ADGRG7: variants seen among roughly 807,000 people sequenced by gnomAD.
ADGRG7 encodes the protein adhesion G protein-coupled receptor G7.
Under a neutral mutation model 88.6 loss-of-function variants are expected in ADGRG7, and 82 were observed. The observed-to-expected ratio is 0.93, with a 90% CI of 0.77 to 1.11. The LOEUF (loss-of-function observed/expected upper bound fraction) is 1.11, where lower values mean the gene tolerates loss of function less well. ADGRG7 is among the 50% of genes most tolerant of loss of function. The pLI is 0.00. For missense variants in ADGRG7, 945 were observed against 953.4 expected (o/e 0.99, Z 0.12); for synonymous variants, 381 against 345.2 (o/e 1.10, Z -1.15).
chr3:100,655,466 C>T (rs1234391549), intron 12 of ADGRG7, among the ~76,000 whole-genome samples: 1 of 151,720 alleles, frequency 6.6e-6, no homozygotes, highest in Non-Finnish European at 1.5e-5. Flanking sequence ...GAGATTTAGC[C>T]ACAAATAATT....
intron 6 of ADGRG7, among the ~76,000 whole-genome samples, chr3:100,642,962 T>C (rs1145348): frequency 0.24 from 36,194 of 152,192 alleles, 5,433 homozygotes; most frequent in Non-Finnish European, 0.34. Context: ...CATCCTTCTA[T>C]GTGAAGAGCA....
intron 1 of ADGRG7, among the ~76,000 whole-genome samples, chr3:100,622,423 A>G (rs1248023151): frequency 6.6e-6 from 1 of 151,986 alleles, no homozygotes; most frequent in African/African-American, 2.4e-5. Flanking sequence ...ATTCTATTCT[A>G]TTAATCTATT....
chr3:100,671,918 T>A (rs2094959136), intron 15 of ADGRG7, among the ~76,000 whole-genome samples: 1 of 152,158 alleles, frequency 6.6e-6, no homozygotes, highest in Non-Finnish European at 1.5e-5. Flanking sequence ...GGTCTATATA[T>A]CTGTTTTGGT....
intron 15 of ADGRG7, among the ~76,000 whole-genome samples, chr3:100,671,454 C>T (rs1226792309): frequency 6.6e-6 from 1 of 151,974 alleles, no homozygotes; most frequent in East Asian, 1.9e-4. Flanking sequence ...GGATATTAGC[C>T]CTTTGTCAGA....
chr3:100,622,538 T>C (rs751171161), intron 1 of ADGRG7, among the ~76,000 whole-genome samples: 2 of 152,178 alleles, frequency 1.3e-5, no homozygotes, highest in Non-Finnish European at 2.9e-5. Flanking sequence ...TGCCCATCCA[T>C]ATATCTTCTT....
At chr3:100,674,114 C>T (rs2094961982) in intron 15 of ADGRG7, among the ~76,000 whole-genome samples, 1 of 152,052 alleles carries the variant, frequency 6.6e-6, no homozygotes. Flanking sequence ...CAAAGGACAT[C>T]TTTATTTCTG....
intron 14 of ADGRG7, among the ~76,000 whole-genome samples, chr3:100,665,888 A>G (rs549878990): frequency 1.2e-4 from 19 of 152,304 alleles, no homozygotes; most frequent in African/African-American, 4.6e-4. Context: ...CTGTGATTTA[A>G]TTGTTTAATA....
intron 15 of ADGRG7, among the ~76,000 whole-genome samples, chr3:100,692,866 G>A (rs1348737525): frequency 6.6e-6 from 1 of 152,108 alleles, no homozygotes; most frequent in African/African-American, 2.4e-5. Flanking sequence ...ACAGGCATAG[G>A]AGCTGAGACT....
intron 2 of ADGRG7, among the ~76,000 whole-genome samples, chr3:100,629,971 G>A (rs899106101): frequency 7.9e-5 from 12 of 152,068 alleles, no homozygotes; most frequent in Non-Finnish European, 1.5e-4. Context: ...TTTCCTGGCT[G>A]CAATGACTAA....
rs56088926 is a variant in ADGRG7 at position 100,639,010 on chromosome 3, C to CTG, written c.698+1654_698+1655dup. The stretch of plus-strand genomic sequence containing the variant: ...ATTCCAGGTTTTTTTCCCTCTGTTT[C>CTG]TGTGTGTGTGTGTGTGTGTGTGTGT... On this transcript the variant is annotated intron_variant, in intron 6 of 15. Transcript: ENST00000273352. Among the ~76,000 whole-genome samples the CTG allele has an allele frequency of 9.1e-4, 134 of 147,136 alleles. 2 individuals are homozygous for CTG. Among genetic ancestry groups the CTG allele is most frequent in the Middle Eastern group, 3.5e-3 (1 of 288 alleles).
At chr3:100,635,131 C>CCT (rs1480790002) in intron 4 of ADGRG7, among the ~76,000 whole-genome samples, 5 of 152,048 alleles carry the variant, frequency 3.3e-5, no homozygotes, top group Admixed American at 3.3e-4. Context: ...CTAACTGGCA[C>CCT]CTAGAGAGGT....
At position 100,613,536 on chromosome 3, in the gene ADGRG7, A is replaced by AT. The variant is rs539706637; in HGVS notation, c.115+3567dup. On this transcript the variant is annotated intron_variant, in intron 1 of 15. Transcript: ENST00000273352. Reference sequence around the variant, plus strand: ...GCTTCCTCACATAACCACCCCCTAAATTAAAAAAAAAAAAAGTCTATTAAA... The same window carrying AT: ...GCTTCCTCACATAACCACCCCCTAAATTTAAAAAAAAAAAAAGTCTATTAAA... 4.9e-3 allele frequency among the ~76,000 whole-genome samples: 518 copies of AT among 105,054 alleles called. 2 individuals are homozygous for AT. Among genetic ancestry groups the AT allele is most frequent in the African/African-American group, 0.014 (501 of 36,694 alleles). 68.9% of individuals were successfully genotyped at this position (105,054 alleles called of 152,430 possible).
intron 13 of ADGRG7, among the ~76,000 whole-genome samples, chr3:100,656,641 G>A (rs1320099078): frequency 6.6e-6 from 1 of 152,076 alleles, no homozygotes; most frequent in Non-Finnish European, 1.5e-5. Flanking sequence ...CTACCAAATG[G>A]CAACTACTCT....
chr3:100,610,566 G>T (rs190691239), intron 1 of ADGRG7, among the ~76,000 whole-genome samples: 126 of 152,248 alleles, frequency 8.3e-4, no homozygotes, highest in African/African-American at 2.9e-3. Flanking sequence ...TTAGTCCCCC[G>T]CTGTGTGCCA....
intron 3 of ADGRG7, among the ~76,000 whole-genome samples, chr3:100,631,475 C>T (rs1449101923): frequency 4.6e-5 from 7 of 152,088 alleles, no homozygotes; most frequent in Admixed American, 1.3e-4. Flanking sequence ...TCCTGATAAC[C>T]AGAGCCTATT....
Position 100,695,048 on chromosome 3 carries a change from T to C in ADGRG7, c.*47T>C. 3.2e-6 allele frequency: 5 copies of C among 1,569,584 alleles called. No individual in the cohort carries two copies. The highest frequency in any genetic ancestry group is 4.3e-6 in the Non-Finnish European group (5 of 1,152,810). On this transcript the variant is annotated 3_prime_UTR_variant, in exon 16 of 16. Transcript: ENST00000273352. The stretch of plus-strand genomic sequence containing the variant: ...GGTCTTTTTAATCACCTCGTTTGAG[T>C]TTTATCTGTTTCTCTCCTTTATTTC...
chr3:100,690,375 G>A (rs935616124), intron 15 of ADGRG7, among the ~76,000 whole-genome samples: 6 of 152,096 alleles, frequency 3.9e-5, no homozygotes, highest in Non-Finnish European at 8.8e-5. Flanking sequence ...CTCTCAACTC[G>A]TCAAAGTCAT....
At chr3:100,659,036 A>AAAAAC (rs1245084681) in intron 13 of ADGRG7, among the ~76,000 whole-genome samples, 4 of 152,284 alleles carry the variant, frequency 2.6e-5, no homozygotes, top group Middle Eastern at 3.4e-3. Flanking sequence ...ACCACCACCA[A>AAAAAC]AAAACAAAAC....
chr3:100,661,736 A>G (rs2094945958), intron 14 of ADGRG7, among the ~76,000 whole-genome samples: 1 of 152,242 alleles, frequency 6.6e-6, no homozygotes, highest in African/African-American at 2.4e-5. Context: ...AATTTCTATC[A>G]CAAGATTACT....
Sources: gnomAD v4.1 joint callset for allele counts (sites outside exome capture counted in the v4.1 genomes callset) on GRCh38, gnomAD v4.1.1 for gene constraint, MANE v1.5 for transcripts, NCBI Gene and HGNC (gene_info 2026-07-23, HGNC 2026-07-21) for gene names.